The following MTERF4 variants were observed in gnomAD, a reference collection of about 807,000 sequenced individuals.
MTERF4 encodes the protein transcription termination factor 4, mitochondrial.
In MTERF4, 17 loss-of-function variants were observed where a neutral mutation model predicts 22.5. The ratio of observed to expected loss-of-function variants is 0.75; its 90% CI spans 0.52 to 1.13. The LOEUF (loss-of-function observed/expected upper bound fraction) is 1.13, where lower values mean the gene tolerates loss of function less well. MTERF4 is among the 50% of genes most tolerant of loss of function. The probability of loss-of-function intolerance (pLI) is 0.00; values close to 1 mark genes in which losing one functional copy is unlikely to be tolerated. For missense variants in MTERF4, 420 were observed against 466.8 expected (o/e 0.90, Z 0.92); for synonymous variants, 165 against 175.3 (o/e 0.94, Z 0.47).
At chr2:241,055,104 A>G in the MTERF4 span, among the ~76,000 whole-genome samples, 2 of 151,282 alleles carry the variant, frequency 1.3e-5, no homozygotes, top group Admixed American at 6.6e-5. Context: ...GTGATAGAGT[A>G]AGACTCTGTC....
the MTERF4 span, chr2:241,049,975 G>A: frequency 6.8e-7 from 1 of 1,462,030 alleles, no homozygotes; most frequent in Non-Finnish European, 9.6e-7. Context: ...CAGCACCCTG[G>A]AGAGCGCCCG....
chr2:241,096,559 G>A lies in MTERF4; in HGVS notation c.706-121C>T. ...AAAAAGAATTGCCTAATTGACAACA[G>A]CGAATACCCAGTCTAGGATACTGAC... On this transcript the variant is annotated intron_variant, in intron 3 of 3. Coordinates refer to ENST00000391980, the MANE Select transcript of MTERF4 (RefSeq NM_182501.4). This position sits in a 1 kb window ranked among gnomAD's most constrained non-coding sequence, Gnocchi z 5.1. 1.9e-6 allele frequency: 2 copies of A among 1,039,256 alleles called. No homozygotes were observed. The highest frequency in any genetic ancestry group is 1.3e-5 in the South Asian group (1 of 76,632). The allele number at this position is 1,039,256 out of a possible 1,614,324, so 64.4% of individuals were successfully genotyped here.
downstream of MTERF4, chr2:241,082,235 C>T (rs2063363269): frequency 6.0e-6 from 9 of 1,512,098 alleles, no homozygotes; most frequent in African/African-American, 2.7e-5. Flanking sequence ...CAGGAGGAGC[C>T]GTCAGGAGCA....
At chr2:241,048,614 A>T in the MTERF4 span, 1 of 1,544,336 alleles carries the variant, frequency 6.5e-7, no homozygotes, top group Middle Eastern at 1.7e-4. Context: ...CGAGGGTGCC[A>T]TCTTTCTGCG....
At chr2:241,065,957 G>C in the MTERF4 span, among the ~76,000 whole-genome samples, 77 of 152,274 alleles carry the variant, frequency 5.1e-4, no homozygotes, top group African/African-American at 1.7e-3. Flanking sequence ...GTGGGCTTGG[G>C]GGGGCTGGGA....
At chr2:241,082,221 G>A (rs2063362102), downstream of MTERF4, 1 of 1,425,908 alleles carries the variant, frequency 7.0e-7, no homozygotes, top group African/African-American at 1.4e-5. Context: ...CCTCTCAAGA[G>A]GGGCAGGAGG....
At chr2:241,052,173 G>C in the MTERF4 span, 1 of 1,603,002 alleles carries the variant, frequency 6.2e-7, no homozygotes, top group Non-Finnish European at 8.5e-7. Flanking sequence ...GTGGGTGGGA[G>C]GCCAGGCCAG....
At chr2:241,089,361 C>G (rs745333252), downstream of MTERF4, 47 of 1,550,260 alleles carry the variant, frequency 3.0e-5, no homozygotes, top group Non-Finnish European at 3.7e-5. Flanking sequence ...TGTTTTGTTA[C>G]GTGCCTAAAA....
At chr2:241,063,731 C>A in the MTERF4 span, 1 of 1,429,886 alleles carries the variant, frequency 7.0e-7, no homozygotes, top group Non-Finnish European at 9.7e-7. Flanking sequence ...GCCCCACATG[C>A]AGAGCCTGGG....
Position 241,102,260 on chromosome 2 carries a change from C to G in MTERF4, c.14G>C (p.Gly5Ala). The G allele has an allele frequency of 6.5e-7, 1 of 1,549,420 alleles. No individual in the cohort carries two copies. Among genetic ancestry groups the G allele is most frequent in the Non-Finnish European group, 8.7e-7 (1 of 1,146,134 alleles). The change falls in exon 1 of 4, where the codon GGC becomes GCC. Residue 5 changes from glycine (G) to alanine (A), a missense_variant. Physicochemically the swap from Gly to Ala is moderately conservative, Grantham distance 60 (BLOSUM62 0). Coordinates refer to ENST00000391980, the MANE Select transcript of MTERF4 (RefSeq NM_182501.4). MAAF[G>A]RQVLDWHRLI... ...CGCCCAGCTCGAGCTTACCTGACGGCCGAACGCAGCCATAGCGCGGAGAAG... is the reference window on the plus strand; with the variant it reads ...CGCCCAGCTCGAGCTTACCTGACGGGCGAACGCAGCCATAGCGCGGAGAAG...
At chr2:241,069,315 C>T (rs762733258), downstream of MTERF4, among the ~76,000 whole-genome samples, 1 of 152,204 alleles carries the variant, frequency 6.6e-6, no homozygotes, top group Non-Finnish European at 1.5e-5. This position sits in a 1 kb window ranked among gnomAD's most constrained non-coding sequence, Gnocchi z 4.9. Context: ...CCTCACTGGG[C>T]CAGGGATACC....
chr2:241,090,282 G>A, downstream of MTERF4: 6 of 1,545,636 alleles, frequency 3.9e-6, no homozygotes, highest in Non-Finnish European at 4.4e-6. Flanking sequence ...GCCTACACAG[G>A]GGCAGGATCA....
In MTERF4 at chr2:241,077,991, AT is replaced by A. The variant is rs552599931; in HGVS notation, n.480-2310del. ...ACTCCTAGGTATATACCCAAGAGAAATGAAAACCTATGTCCACATGAGGTCC... is the reference window on the plus strand; with the variant it reads ...ACTCCTAGGTATATACCCAAGAGAAAGAAAACCTATGTCCACATGAGGTCC... On this transcript the variant is annotated intron_variant and non_coding_transcript_variant, in intron 4 of 4. Coordinates refer to the MTERF4 transcript ENST00000464344. 2.0e-3 allele frequency among the ~76,000 whole-genome samples: 300 copies of A among 152,306 alleles called. 1 individual carries two copies. The highest frequency in any genetic ancestry group is 6.8e-3 in the African/African-American group (283 of 41,578).
At chr2:241,049,937 T>G in the MTERF4 span, 1 of 1,611,544 alleles carries the variant, frequency 6.2e-7, no homozygotes, top group Non-Finnish European at 8.5e-7. Context: ...GAGAAAGGTA[T>G]GGCGGGCAGG....
chr2:241,101,507 C>T (rs1258815170), intron 1 of MTERF4, among the ~76,000 whole-genome samples: 1 of 152,240 alleles, frequency 6.6e-6, no homozygotes, highest in African/African-American at 2.4e-5. Context: ...CTAAAACCTT[C>T]ACATCGGTCC....
downstream of MTERF4, chr2:241,071,533 A>G (rs777973624): frequency 1.2e-5 from 18 of 1,557,256 alleles, no homozygotes; most frequent in South Asian, 1.6e-4. Flanking sequence ...ACAGGAGCAG[A>G]GGGCAGCCCC....
chr2:241,086,706 T>A (rs1282380947), downstream of MTERF4, among the ~76,000 whole-genome samples: 1 of 152,236 alleles, frequency 6.6e-6, no homozygotes, highest in Non-Finnish European at 1.5e-5. Context: ...AAAGGTTCTA[T>A]GAGACTTAGC....
At chr2:241,058,724 G>A in the MTERF4 span, among the ~76,000 whole-genome samples, 1 of 152,208 alleles carries the variant, frequency 6.6e-6, no homozygotes, top group Non-Finnish European at 1.5e-5. Flanking sequence ...GCCGAGGCAG[G>A]CACATCACAA....
chr2:241,072,346 G>C (rs73010041), exon 5 of MTERF4: 2 of 385,960 alleles, frequency 5.2e-6, no homozygotes, highest in Non-Finnish European at 1.0e-5. Flanking sequence ...CAGGTGCCTT[G>C]GGCCCTTCCC....
Sources: gnomAD v4.1 joint callset for allele counts (sites outside exome capture counted in the v4.1 genomes callset) on GRCh38, gnomAD v4.1.1 for gene constraint, Gnocchi (gnomAD v3.1) non-coding constraint, MANE v1.5 for transcripts, NCBI Gene and HGNC (gene_info 2026-07-23, HGNC 2026-07-21) for gene names.